The following SPAG9 variants were observed in gnomAD, a reference collection of about 807,000 sequenced individuals.
SPAG9 encodes C-Jun-amino-terminal kinase-interacting protein 4.
SPAG9 carries 35 observed loss-of-function variants against 166.5 expected under a neutral mutation model. That is an observed-to-expected ratio of 0.21 (90% CI 0.16 to 0.28). SPAG9 has a LOEUF of 0.28. SPAG9 is among the 10% of genes least tolerant of loss of function. The probability of loss-of-function intolerance (pLI) is 1.00; values close to 1 mark genes in which losing one functional copy is unlikely to be tolerated. For synonymous variants in SPAG9, 534 were observed against 565.5 expected (o/e 0.94, Z 0.79); for missense variants, 1,235 against 1,603.3 (o/e 0.77, Z 3.92).
intron 28 of SPAG9, among the ~76,000 whole-genome samples, chr17:50,973,764 G>T (rs947467577): frequency 2.6e-5 from 4 of 152,154 alleles, no homozygotes; most frequent in African/African-American, 9.7e-5. Flanking sequence ...AGCCTTAGAA[G>T]AAAAAGACTG....
intron 9 of SPAG9, among the ~76,000 whole-genome samples, chr17:51,012,928 G>T (rs952473140): frequency 4.6e-5 from 7 of 151,366 alleles, no homozygotes; most frequent in Non-Finnish European, 7.4e-5. Context: ...GATATTTTTC[G>T]CCATGTTGCC....
intron 12 of SPAG9, among the ~76,000 whole-genome samples, chr17:51,002,647 A>T (rs1247737791): frequency 2.6e-5 from 4 of 151,730 alleles, no homozygotes; most frequent in Non-Finnish European, 4.4e-5. Flanking sequence ...AGTCCCAGCT[A>T]CTTGGGAAGC....
At chr17:51,039,423 A>C (rs1402849035) in intron 5 of SPAG9, among the ~76,000 whole-genome samples, 3 of 152,174 alleles carry the variant, frequency 2.0e-5, no homozygotes, top group African/African-American at 7.2e-5. Flanking sequence ...AATACTGTAC[A>C]TCCCAACTAG....
rs988704797 is a variant in SPAG9 at position 51,047,599 on chromosome 17, A to C, written c.496-130T>G. The C allele has an allele frequency of 9.6e-6, 4 of 414,612 alleles. No individual in the cohort carries two copies. The Admixed American group carries it at 1.7e-4, about 18-fold the overall frequency. 25.7% of individuals were successfully genotyped at this position (414,612 alleles called of 1,614,324 possible). A position where few individuals can be genotyped will look rare whatever the true frequency, so the allele number is the denominator to read the frequency against. ...CAGACTACTCGATTCCAAGTAAGAG[A>C]ATATTAAGGAATGAAAAAAATTTTA... On this transcript the variant is annotated intron_variant, in intron 3 of 29. Coordinates refer to ENST00000262013, the MANE Select transcript of SPAG9 (RefSeq NM_001130528.3).
chr17:51,090,988 G>A (rs754839895), intron 1 of SPAG9, among the ~76,000 whole-genome samples: 6 of 152,128 alleles, frequency 3.9e-5, no homozygotes, highest in East Asian at 1.9e-4. Flanking sequence ...GGCCAGGCAC[G>A]GTGGCTCATG....
At chr17:51,055,643 G>A (rs1013969643) in intron 3 of SPAG9, among the ~76,000 whole-genome samples, 1 of 151,964 alleles carries the variant, frequency 6.6e-6, no homozygotes, top group Non-Finnish European at 1.5e-5. Flanking sequence ...TATGTATCAT[G>A]GGAAATATAG....
chr17:51,027,461 G>A lies in SPAG9; in HGVS notation c.783+4220C>T, dbSNP rs114563426. On this transcript the variant is annotated intron_variant, in intron 6 of 29. Transcript: ENST00000262013. ...AAAAAAAAAAAAAAATCATTGACCT[G>A]TTAAAAATTAAAATATACTACTTTT... Among the ~76,000 whole-genome samples, 533 of 151,690 alleles carry A rather than the reference G, an allele frequency of 3.5e-3. 2 individuals carry two copies. The highest frequency in any genetic ancestry group is 0.012 in the African/African-American group (511 of 41,420).
chr17:51,005,279 C>T lies in SPAG9; in HGVS notation c.1425-16G>A, dbSNP rs1333303535. 6.2e-7 allele frequency: 1 copy of T among 1,610,658 alleles called. No homozygotes were observed. The highest frequency in any genetic ancestry group is 8.5e-7 in the Non-Finnish European group (1 of 1,177,910). ...TGCCCGAGCTCTAGTGGGGAAAAAA[C>T]AAAACAAAACATGTTATTTGAATTG... On this transcript the variant is annotated splice_polypyrimidine_tract_variant and intron_variant, in intron 11 of 29. Coordinates refer to ENST00000262013, the MANE Select transcript of SPAG9 (RefSeq NM_001130528.3).
intron 29 of SPAG9, among the ~76,000 whole-genome samples, chr17:50,967,556 TA>T (rs1387789371): frequency 1.3e-5 from 2 of 152,110 alleles, no homozygotes; most frequent in Admixed American, 6.6e-5. Flanking sequence ...GGTTAGAAGG[TA>T]AAAAAATTAA....
At position 51,120,690 on chromosome 17, in the gene SPAG9, T is replaced by A. The variant is rs1439532755; in HGVS notation, c.-34A>T. Reference sequence around the variant, plus strand: ...GCGGACGGGCGGGCGGCCCGGGGCGTCGCCGGCAGAGGGGCGGCACCTGCC... The same window carrying A: ...GCGGACGGGCGGGCGGCCCGGGGCGACGCCGGCAGAGGGGCGGCACCTGCC... On this transcript the variant is annotated 5_prime_UTR_variant, in exon 1 of 30. Transcript: ENST00000262013. The surrounding 1 kb of genome is among the most constrained non-coding windows in gnomAD (Gnocchi z 4.7). 1 of 1,531,058 alleles carries A rather than the reference T, an allele frequency of 6.5e-7. No homozygotes were observed. Among genetic ancestry groups the A allele is most frequent in the Non-Finnish European group, 8.8e-7 (1 of 1,139,652 alleles). 94.8% of individuals were successfully genotyped at this position (1,531,058 alleles called of 1,614,324 possible). A position where few individuals can be genotyped will look rare whatever the true frequency, so the allele number is the denominator to read the frequency against.
intron 2 of SPAG9, among the ~76,000 whole-genome samples, chr17:51,072,352 G>A (rs371188624): frequency 4.0e-5 from 6 of 149,720 alleles, no homozygotes; most frequent in Non-Finnish European, 7.4e-5. Context: ...GATTACAGGC[G>A]TGAGCCACCG....
At chr17:50,998,709 G>C (rs2044790220) in intron 14 of SPAG9, 92 bp from the exon 15 acceptor site, 3 of 1,273,540 alleles carry the variant, frequency 2.4e-6, no homozygotes, top group African/African-American at 1.5e-5. Flanking sequence ...AAATTTCAGA[G>C]TACTTTTACA....
intron 1 of SPAG9, among the ~76,000 whole-genome samples, chr17:51,107,629 C>T (rs368815816): frequency 6.6e-6 from 1 of 150,956 alleles, no homozygotes; most frequent in East Asian, 2.0e-4. Flanking sequence ...CTCAGCTACT[C>T]GGGAGGCTGA....
chr17:51,081,848 C>G (rs1044482587), intron 1 of SPAG9, among the ~76,000 whole-genome samples: 1 of 152,166 alleles, frequency 6.6e-6, no homozygotes, highest in Non-Finnish European at 1.5e-5. Flanking sequence ...TTCCACCATT[C>G]TCTTACTTCT....
In SPAG9 at chr17:50,964,760, TTGTC is replaced by T. The variant is rs1015168965; in HGVS notation, c.*1508_*1511del. 1.1e-5 allele frequency: 5 copies of T among 452,756 alleles called. No individual in the cohort carries two copies. The highest frequency in any genetic ancestry group is 8.0e-5 in the African/African-American group (4 of 49,878). 28.0% of individuals were successfully genotyped at this position (452,756 alleles called of 1,614,324 possible). ...AGACTTTAATCTATTTTTTGCTTGT[TTGTC>T]TGTTTTGAGACAGGGTCTTGCTCCG... is the stretch of plus-strand genomic sequence containing the variant. On this transcript the variant is annotated 3_prime_UTR_variant, in exon 30 of 30. Transcript: ENST00000262013.
intron 6 of SPAG9, among the ~76,000 whole-genome samples, chr17:51,023,894 G>T (rs982020023): frequency 1.3e-5 from 2 of 152,152 alleles, no homozygotes; most frequent in Non-Finnish European, 2.9e-5. Context: ...TCAGATGCCT[G>T]GCCTCAAGCG....
intron 10 of SPAG9, 58 bp from the exon 11 acceptor site, chr17:51,006,295 G>T: frequency 1.3e-6 from 2 of 1,537,684 alleles, no homozygotes; most frequent in Non-Finnish European, 8.9e-7. Flanking sequence ...CCATCTTTCA[G>T]CTATTCCTTT....
chr17:50,968,751 CAAAT>C (rs1017078008), intron 29 of SPAG9, among the ~76,000 whole-genome samples: 3 of 151,822 alleles, frequency 2.0e-5, no homozygotes, highest in African/African-American at 4.8e-5. Flanking sequence ...AAAATTATAG[CAAAT>C]AAATAAACAT....
chr17:51,047,301 G>T, intron 4 of SPAG9, 74 bp downstream of exon 4: 1 of 872,854 alleles, frequency 1.1e-6, no homozygotes, highest in Non-Finnish European at 1.8e-6. Context: ...CAGGATTAAA[G>T]AACAGAGAAA....
Sources: gnomAD v4.1 joint callset for allele counts (sites outside exome capture counted in the v4.1 genomes callset) on GRCh38, gnomAD v4.1.1 for gene constraint, Gnocchi (gnomAD v3.1) non-coding constraint, MANE v1.5 for transcripts, NCBI Gene and HGNC (gene_info 2026-07-23, HGNC 2026-07-21) for gene names.